ZNF407: variants seen among roughly 807,000 people sequenced by gnomAD.
The protein encoded by ZNF407 is zinc finger protein 407.
A neutral mutation model predicts 131.2 loss-of-function variants in ZNF407; 17 were observed. That is an observed-to-expected ratio of 0.13 (90% CI 0.09 to 0.19). ZNF407 has a LOEUF of 0.19. Among genes scored for constraint, ZNF407 ranks in the 10% least tolerant of loss-of-function variants. The pLI, the probability that ZNF407 is intolerant of heterozygous loss-of-function variation, is 1.00. For missense variants in ZNF407, 2,681 were observed against 2,830.6 expected (o/e 0.95, Z 1.20); for synonymous variants, 1,156 against 1,062.0 (o/e 1.09, Z -1.72).
intron 8 of ZNF407, among the ~76,000 whole-genome samples, chr18:74,999,976 TAAG>T (rs978946894): frequency 6.6e-6 from 1 of 152,202 alleles, no homozygotes; most frequent in Non-Finnish European, 1.5e-5. Flanking sequence ...TAGAAAATCA[TAAG>T]AAAGTTCTTT....
chr18:75,005,561 ATTTT>A (rs1393831022), intron 8 of ZNF407, among the ~76,000 whole-genome samples: 5 of 151,624 alleles, frequency 3.3e-5, no homozygotes, highest in African/African-American at 4.8e-5. Context: ...TGACTGCCTT[ATTTT>A]TTTTCTGAGG....
intron 8 of ZNF407, among the ~76,000 whole-genome samples, chr18:75,005,115 ACTT>A (rs1368467615): frequency 6.6e-6 from 1 of 152,166 alleles, no homozygotes; most frequent in Non-Finnish European, 1.5e-5. Context: ...ATAAAAATAA[ACTT>A]CTATTATGGA....
At chr18:74,672,080 G>A (rs991832089) in intron 3 of ZNF407, among the ~76,000 whole-genome samples, 1 of 152,142 alleles carries the variant, frequency 6.6e-6, no homozygotes, top group Admixed American at 6.5e-5. Flanking sequence ...TATACCTAGT[G>A]ATGGGATTGC....
At chr18:74,888,402 AATT>A (rs1323069297) in intron 6 of ZNF407, among the ~76,000 whole-genome samples, 21 of 152,272 alleles carry the variant, frequency 1.4e-4, no homozygotes, top group African/African-American at 4.8e-4. Context: ...ACCAAATTCA[AATT>A]ATTATAATTT....
chr18:75,039,149 C>T (rs1377596818), intron 8 of ZNF407, among the ~76,000 whole-genome samples: 1 of 152,206 alleles, frequency 6.6e-6, no homozygotes, highest in Non-Finnish European at 1.5e-5. Flanking sequence ...ATGCACTTGC[C>T]ATTAAGAAAT....
chr18:74,633,384 T>A lies in ZNF407; in HGVS notation c.2365T>A (p.Phe789Ile), dbSNP rs376081627. Residue 789 changes from phenylalanine (F) to isoleucine (I), a missense_variant, in exon 2 of 9, where the codon TTT becomes ATT. Transcript: ENST00000299687. ...CIGANDKKEE[F>I]DVSGNGRIEG... ...AGGTGCAAATGATAAAAAAGAAGAG[T>A]TTGATGTTTCCGGAAATGGAAGGAT... The A allele has an allele frequency of 6.2e-7, 1 of 1,613,288 alleles. No individual in the cohort carries two copies. Among genetic ancestry groups the A allele is most frequent in the Admixed American group, 1.7e-5 (1 of 59,970 alleles).
At chr18:75,060,507 C>CTTTTTTTTTTTTTTTTTTTTTTT (rs564194650) in intron 8 of ZNF407, among the ~76,000 whole-genome samples, 2 of 124,464 alleles carry the variant, frequency 1.6e-5, no homozygotes, top group Admixed American at 8.7e-5. Context: ...TTCTTTTTTT[C>CTTTTTTTTTTTTTTTTTTTTTTT]TTTTTTTTTT....
rs200073035 is a variant in ZNF407, at chr18:74,734,671, TTGTGTGTG to T, written c.4803-46725_4803-46718del. Among the ~76,000 whole-genome samples the T allele has an allele frequency of 1.1e-3, 149 of 138,974 alleles. 3 individuals are homozygous for T. The South Asian group carries it at 0.027, about 25-fold the overall frequency. 91.2% of individuals were successfully genotyped at this position (138,974 alleles called of 152,430 possible). On this transcript the variant is annotated intron_variant, in intron 3 of 8. Coordinates refer to ENST00000299687, the MANE Select transcript of ZNF407 (RefSeq NM_017757.3). ...AAATTATACCATTTTGAGTTTCAAT[TTGTGTGTG>T]TGTGTGTGTGTGTGTGTGTGTGTGT...
At chr18:74,885,422 T>C (rs1484304428) in intron 6 of ZNF407, among the ~76,000 whole-genome samples, 1 of 152,192 alleles carries the variant, frequency 6.6e-6, no homozygotes, top group Non-Finnish European at 1.5e-5. Flanking sequence ...GGATTTCCAT[T>C]TCGTTCACAT....
At chr18:74,940,674 C>T (rs1972087323) in intron 8 of ZNF407, among the ~76,000 whole-genome samples, 1 of 152,138 alleles carries the variant, frequency 6.6e-6, no homozygotes, top group Non-Finnish European at 1.5e-5. Context: ...GCCTCTGTTT[C>T]CTTAAAAACA....
intron 4 of ZNF407, among the ~76,000 whole-genome samples, chr18:74,811,675 C>T (rs963357697): frequency 3.1e-4 from 47 of 151,694 alleles, no homozygotes; most frequent in African/African-American, 9.9e-4. Flanking sequence ...ACATATACAC[C>T]ATGGAATACT....
At chr18:74,771,644 G>A (rs569459416) in intron 3 of ZNF407, among the ~76,000 whole-genome samples, 2 of 151,702 alleles carry the variant, frequency 1.3e-5, no homozygotes, top group Non-Finnish European at 2.9e-5. Flanking sequence ...TATTTATTTT[G>A]ATTTTGTTTA....
chr18:74,676,610 A>G (rs911938852), intron 3 of ZNF407, among the ~76,000 whole-genome samples: 1 of 136,858 alleles, frequency 7.3e-6, no homozygotes, highest in Non-Finnish European at 1.6e-5. Context: ...GTAATTTTGT[A>G]TTTTTAGTAG....
intron 3 of ZNF407, among the ~76,000 whole-genome samples, chr18:74,779,109 A>ATATATATATATATTTTTTTTTT (rs397943457): frequency 4.1e-5 from 1 of 24,376 alleles, no homozygotes; most frequent in Non-Finnish European, 7.2e-5. Flanking sequence ...ATATATATAT[A>ATATATATATATATTTTTTTTTT]TTTTTTTTTT....
At chr18:75,015,258 T>A (rs141805221) in intron 8 of ZNF407, among the ~76,000 whole-genome samples, 66 of 152,036 alleles carry the variant, frequency 4.3e-4, no homozygotes, top group Admixed American at 3.9e-3. Context: ...TATTAGTAAT[T>A]TGATTAAGTC....
intron 3 of ZNF407, among the ~76,000 whole-genome samples, chr18:74,675,692 C>T (rs1487997657): frequency 2.0e-5 from 3 of 152,038 alleles, no homozygotes; most frequent in African/African-American, 4.8e-5. Flanking sequence ...AGTTATATAC[C>T]CTTTTTGGTT....
At chr18:74,740,468 T>C (rs1968523200) in intron 3 of ZNF407, among the ~76,000 whole-genome samples, 1 of 152,216 alleles carries the variant, frequency 6.6e-6, no homozygotes, top group African/African-American at 2.4e-5. Context: ...TTCAGCACAG[T>C]ACATATGTGT....
intron 3 of ZNF407, among the ~76,000 whole-genome samples, chr18:74,745,075 G>T (rs779249201): frequency 8.5e-5 from 13 of 152,084 alleles, no homozygotes; most frequent in Non-Finnish European, 1.8e-4. Context: ...AGTGCATTCA[G>T]ACTCACCTGA....
chr18:74,873,099 G>GA (rs144700918), intron 4 of ZNF407, among the ~76,000 whole-genome samples: 15,358 of 152,162 alleles, frequency 0.1, 1,003 homozygotes, highest in Middle Eastern at 0.24. Context: ...TTCAAAAATA[G>GA]AAAAATGCTC....
Sources: gnomAD v4.1 joint callset for allele counts (sites outside exome capture counted in the v4.1 genomes callset) on GRCh38, gnomAD v4.1.1 for gene constraint, MANE v1.5 for transcripts, NCBI Gene and HGNC (gene_info 2026-07-23, HGNC 2026-07-21) for gene names.